Variants in TRDMT1 observed in about 807,000 individuals in gnomAD.
The protein encoded by TRDMT1 is tRNA (cytosine(38)-C(5))-methyltransferase.
TRDMT1 carries 49 observed loss-of-function variants against 51.2 expected under a neutral mutation model. That is an observed-to-expected ratio of 0.96 (90% confidence interval 0.76 to 1.21). The LOEUF (loss-of-function observed/expected upper bound fraction) is 1.21. Ranked by LOEUF, TRDMT1 falls within the 50% of genes most tolerant of loss-of-function variation. The pLI is 0.00. For synonymous variants in TRDMT1, 187 were observed against 164.6 expected, an observed-to-expected ratio of 1.14 and a Z score of -1.04; for missense variants, 534 against 462.3, an observed-to-expected ratio of 1.16 and a Z score of -1.42.
Position 17,141,348 on chromosome 10 carries a change from G to T in TRDMT1, c.*7692C>A, listed in dbSNP as rs1188583483. ...GGCTAATTTTTTTGATTTTAGTAGA[G>T]ACGGGGTTTCACCATGTTGGAAAGG... On this transcript the variant is annotated 3_prime_UTR_variant, in exon 11 of 11. Coordinates refer to ENST00000377799, the MANE Select transcript of TRDMT1 (RefSeq NM_004412.7). Among the ~76,000 whole-genome samples the T allele has an allele frequency of 6.6e-6, 1 of 152,086 alleles. No individual in the cohort carries two copies. The highest frequency in any genetic ancestry group is 2.4e-5 in the African/African-American group (1 of 41,396).
At position 17,201,638 on chromosome 10, in the gene TRDMT1, C is replaced by T. The variant is rs374212992; in HGVS notation, c.-4G>A. ...CCAGCACCCGCAGGGGCTCCATCCCCGCGCCTCAGCCGCCGCAGCCCCGGA... is the reference window on the plus strand; with the variant it reads ...CCAGCACCCGCAGGGGCTCCATCCCTGCGCCTCAGCCGCCGCAGCCCCGGA... On this transcript the variant is annotated 5_prime_UTR_variant, in exon 1 of 11. Coordinates refer to ENST00000377799, the MANE Select transcript of TRDMT1 (RefSeq NM_004412.7). 6.5e-7 allele frequency: 1 copy of T among 1,542,082 alleles called. No individual in the cohort carries two copies. The highest frequency in any genetic ancestry group is 2.5e-5 in the East Asian group (1 of 40,338).
At chr10:17,166,268 G>C (rs1264355164) in intron 3 of TRDMT1, among the ~76,000 whole-genome samples, 1 of 150,584 alleles carries the variant, frequency 6.6e-6, no homozygotes, top group Non-Finnish European at 1.5e-5. Context: ...ACTATCACAA[G>C]GACAAAAAAC....
At chr10:17,163,150 G>A (rs1840661587) in intron 3 of TRDMT1, among the ~76,000 whole-genome samples, 1 of 152,174 alleles carries the variant, frequency 6.6e-6, no homozygotes, top group Admixed American at 6.5e-5. Context: ...TAAGCAGGAG[G>A]TGCAACTTGG....
intron 1 of TRDMT1, among the ~76,000 whole-genome samples, chr10:17,178,760 A>T (rs925973580): frequency 6.6e-6 from 1 of 152,158 alleles, no homozygotes; most frequent in African/African-American, 2.4e-5. Flanking sequence ...ATACATTAAA[A>T]ATATTTTTCA....
Position 17,150,873 on chromosome 10 carries a change from C to T in TRDMT1, c.1076-1733G>A, listed in dbSNP as rs575587877. On this transcript the variant is annotated intron_variant, in intron 10 of 10. Coordinates refer to ENST00000377799, the MANE Select transcript of TRDMT1 (RefSeq NM_004412.7). Reference sequence around the variant, plus strand: ...ATTTACTTCAAAGTAGCCAGAGGTACAAATGTACCTACAAACAGGCTTTTA... The same window carrying T: ...ATTTACTTCAAAGTAGCCAGAGGTATAAATGTACCTACAAACAGGCTTTTA... 5 of 985,192 alleles carry T rather than the reference C, an allele frequency of 5.1e-6. No homozygotes were observed. The South Asian group carries it at 2.3e-4, about 46-fold the overall frequency. The allele number at this position is 985,192 out of a possible 1,614,324, so 61.0% of individuals were successfully genotyped here. A position where few individuals can be genotyped will look rare whatever the true frequency, so the allele number is the denominator to read the frequency against.
chr10:17,153,019 A>C, intron 10 of TRDMT1: 1 of 158,760 alleles, frequency 6.3e-6, no homozygotes. Flanking sequence ...CTTGTAGGGA[A>C]GGATAGGGGC....
chr10:17,167,337 A>G (rs1841353153), intron 3 of TRDMT1, among the ~76,000 whole-genome samples: 1 of 152,184 alleles, frequency 6.6e-6, no homozygotes, highest in Non-Finnish European at 1.5e-5. Context: ...AATATATAAA[A>G]TGATTAACAA....
rs1837446519 is a variant in TRDMT1 at position 17,137,460 on chromosome 10, C to T, written c.*11580G>A. 6.6e-6 allele frequency: 1 copy of T among 152,196 alleles called. No individual in the cohort carries two copies. Among genetic ancestry groups the T allele is most frequent in the Admixed American group, 6.5e-5 (1 of 15,282 alleles). 9.4% of individuals were successfully genotyped at this position (152,196 alleles called of 1,614,324 possible). On this transcript the variant is annotated 3_prime_UTR_variant, in exon 11 of 11. Transcript: ENST00000377799. ...AGTGTGACAAGATGGCACAGATACACAGTAGCATGCTGTTAAGTAAACAGC... is the reference window on the plus strand; with the variant it reads ...AGTGTGACAAGATGGCACAGATACATAGTAGCATGCTGTTAAGTAAACAGC...
intron 3 of TRDMT1, among the ~76,000 whole-genome samples, chr10:17,164,664 A>G (rs1472196020): frequency 6.6e-6 from 1 of 152,232 alleles, no homozygotes; most frequent in African/African-American, 2.4e-5. Context: ...AAGCAACTTC[A>G]GCAAAGTCTC....
At chr10:17,170,826 G>A (rs892959191) in intron 2 of TRDMT1, among the ~76,000 whole-genome samples, 4 of 134,474 alleles carry the variant, frequency 3.0e-5, no homozygotes, top group African/African-American at 8.0e-5. Flanking sequence ...TAGACATATT[G>A]TATATTGTAT....
In TRDMT1 at chr10:17,146,474, A is replaced by G. The variant is rs1263804612; in HGVS notation, c.*2566T>C. On this transcript the variant is annotated 3_prime_UTR_variant, in exon 11 of 11. Transcript: ENST00000377799. ...CCCACCTCTTCGAAATCATTTTCCAACTATGACTCATTTTGTTTACATTAA... is the reference window on the plus strand; with the variant it reads ...CCCACCTCTTCGAAATCATTTTCCAGCTATGACTCATTTTGTTTACATTAA... 1.0e-6 allele frequency: 1 copy of G among 985,398 alleles called. No individual in the cohort carries two copies. Among genetic ancestry groups the G allele is most frequent in the African/African-American group, 1.7e-5 (1 of 57,346 alleles). The allele number at this position is 985,398 out of a possible 1,614,324, so 61.0% of individuals were successfully genotyped here.
chr10:17,171,508 T>C (rs1174354566), intron 2 of TRDMT1: 1 of 152,288 alleles, frequency 6.6e-6, no homozygotes, highest in Non-Finnish European at 1.5e-5. Context: ...CCACTGTAAG[T>C]GAGTGAAGGC....
At chr10:17,166,234 G>A (rs1471758056) in intron 3 of TRDMT1, among the ~76,000 whole-genome samples, 1 of 151,890 alleles carries the variant, frequency 6.6e-6, no homozygotes, top group Non-Finnish European at 1.5e-5. Flanking sequence ...CATGGATGAA[G>A]CTGGAAACCA....
At chr10:17,163,187 C>T (rs1030572688) in intron 3 of TRDMT1, among the ~76,000 whole-genome samples, 2 of 152,138 alleles carry the variant, frequency 1.3e-5, no homozygotes, top group Admixed American at 6.5e-5. Context: ...CAAAACAAGT[C>T]ATGTAAACAG....
intron 10 of TRDMT1, 102 bp from the exon 11 acceptor site, chr10:17,149,242 T>C (rs988650320): frequency 1.2e-4 from 105 of 849,108 alleles, no homozygotes; most frequent in Non-Finnish European, 1.8e-4. Flanking sequence ...ATTTCATAAG[T>C]AAATCACTAA....
Position 17,139,958 on chromosome 10 carries a change from T to C in TRDMT1, c.*9082A>G, listed in dbSNP as rs1211480487. ...CTTTGTCAACAATTCCTAGACTATG[T>C]TTAGAAGAGACATAAACAATACCCT... On this transcript the variant is annotated 3_prime_UTR_variant, in exon 11 of 11. Transcript: ENST00000377799. Among the ~76,000 whole-genome samples, 2 of 150,954 alleles carry C rather than the reference T, an allele frequency of 1.3e-5. No homozygotes were observed. Among genetic ancestry groups the C allele is most frequent in the Non-Finnish European group, 2.9e-5 (2 of 67,894 alleles).
intron 10 of TRDMT1, among the ~76,000 whole-genome samples, chr10:17,152,251 A>G (rs959212647): frequency 6.6e-6 from 1 of 152,256 alleles, no homozygotes; most frequent in East Asian, 1.9e-4. Flanking sequence ...CTTAAACAAC[A>G]CTCCCCAGGA....
chr10:17,191,675 G>C (rs893301914), intron 1 of TRDMT1, among the ~76,000 whole-genome samples: 3 of 152,134 alleles, frequency 2.0e-5, no homozygotes, highest in African/African-American at 7.2e-5. Flanking sequence ...AGACGCTACT[G>C]GGTCTGAAAT....
intron 3 of TRDMT1, among the ~76,000 whole-genome samples, chr10:17,164,171 T>A (rs1840832294): frequency 6.6e-6 from 1 of 152,148 alleles, no homozygotes; most frequent in Non-Finnish European, 1.5e-5. Context: ...TTATCCACCA[T>A]GATCAAGTGG....
Sources: allele counts gnomAD v4.1 joint callset (sites outside exome capture counted in the v4.1 genomes callset), GRCh38; gene constraint gnomAD v4.1.1; transcripts MANE v1.5; gene names NCBI Gene and HGNC (gene_info 2026-07-23, HGNC 2026-07-21).